The following PLCE1 variants were observed in gnomAD, a reference collection of about 807,000 sequenced individuals.
PLCE1 encodes the protein 1-phosphatidylinositol 4,5-bisphosphate phosphodiesterase epsilon-1.
PLCE1 carries 119 observed loss-of-function variants against 242.8 expected under a neutral mutation model. The observed-to-expected ratio is 0.49, with a 90% CI of 0.42 to 0.57. The LOEUF (loss-of-function observed/expected upper bound fraction) is 0.57. PLCE1 is among the 20% of genes least tolerant of loss of function. The pLI, the probability that PLCE1 is intolerant of heterozygous loss-of-function variation, is 0.00. For missense variants in PLCE1, 2,441 were observed against 2,788.8 expected (o/e 0.88, Z 2.81); for synonymous variants, 945 against 1,017.4 (o/e 0.93, Z 1.35).
At chr10:94,165,022 G>A (rs1052030790) in intron 3 of PLCE1, among the ~76,000 whole-genome samples, 7 of 152,178 alleles carry the variant, frequency 4.6e-5, no homozygotes, top group East Asian at 1.9e-4. Context: ...GTACCCGGCC[G>A]TGTGAGGTGT....
intron 4 of PLCE1, among the ~76,000 whole-genome samples, chr10:94,218,420 T>C (rs1388257357): frequency 1.3e-5 from 2 of 152,126 alleles, no homozygotes; most frequent in Non-Finnish European, 2.9e-5. Flanking sequence ...GAATCTTGGG[T>C]TCTTTCTCTT....
At chr10:94,326,581 T>C (rs1328060055) in intron 32 of PLCE1, among the ~76,000 whole-genome samples, 1 of 152,240 alleles carries the variant, frequency 6.6e-6, no homozygotes, top group African/African-American at 2.4e-5. Context: ...AAGAGCCCGA[T>C]ATGTGCTACA....
intron 3 of PLCE1, among the ~76,000 whole-genome samples, chr10:94,150,773 C>T (rs1474272828): frequency 6.6e-6 from 1 of 152,168 alleles, no homozygotes; most frequent in Non-Finnish European, 1.5e-5. Flanking sequence ...CACTTCAGAG[C>T]CCATGCCTCT....
chr10:94,178,767 C>G (rs1422370226), intron 4 of PLCE1, among the ~76,000 whole-genome samples: 1 of 152,214 alleles, frequency 6.6e-6, no homozygotes, highest in African/African-American at 2.4e-5. Context: ...CATTTCAGCA[C>G]AGTAAGCAGA....
intron 16 of PLCE1, among the ~76,000 whole-genome samples, chr10:94,267,362 G>C (rs1423135485): frequency 2.0e-5 from 3 of 152,124 alleles, no homozygotes; most frequent in Admixed American, 6.5e-5. Flanking sequence ...CCCAAGGAGA[G>C]ACTCTCACAG....
chr10:94,236,148 A>G (rs1275126501), intron 7 of PLCE1, 28 bp downstream of exon 7: 2 of 1,575,890 alleles, frequency 1.3e-6, no homozygotes, highest in African/African-American at 2.7e-5. Flanking sequence ...AAAGTGAGGA[A>G]TGCTCATCTC....
rs554297931 is a variant in PLCE1 at position 94,181,432 on chromosome 10, C to T, written c.1809+9936C>T. ...CTAAAAAATACAAAAAAAAATTAGC[C>T]GGGCGTGGTGGCAGGCGCCTGTAGT... On this transcript the variant is annotated intron_variant, in intron 4 of 32. Coordinates refer to ENST00000371380, the MANE Select transcript of PLCE1 (RefSeq NM_016341.4). Among the ~76,000 whole-genome samples, 35 of 151,830 alleles carry T rather than the reference C, an allele frequency of 2.3e-4. 1 individual carries two copies. The highest frequency in any genetic ancestry group is 3.2e-3 in the Middle Eastern group (1 of 316).
chr10:94,036,595 A>G (rs917783567), intron 2 of PLCE1, among the ~76,000 whole-genome samples: 5 of 152,138 alleles, frequency 3.3e-5, no homozygotes, highest in African/African-American at 1.2e-4. Context: ...AGAAATTAAA[A>G]CCCTATCCCT....
intron 16 of PLCE1, 75 bp downstream of exon 16, chr10:94,266,033 C>A: frequency 7.1e-7 from 1 of 1,410,374 alleles, no homozygotes; most frequent in Non-Finnish European, 1.0e-6. Context: ...TCAAAAAAAC[C>A]TGACCCCAGA....
At chr10:94,304,423 TG>T in intron 24 of PLCE1, 58 bp from the exon 25 acceptor site, 1 of 1,457,508 alleles carries the variant, frequency 6.9e-7, no homozygotes, top group Non-Finnish European at 9.6e-7. Flanking sequence ...ATTTATAAGG[TG>T]ATACTTAAGC....
intron 3 of PLCE1, among the ~76,000 whole-genome samples, chr10:94,159,792 C>G (rs1014852932): frequency 6.6e-6 from 1 of 152,052 alleles, no homozygotes; most frequent in African/African-American, 2.4e-5. Context: ...CAACAGGCCC[C>G]GATGTGTGAT....
At chr10:94,266,712 C>A (rs554826820) in intron 16 of PLCE1, among the ~76,000 whole-genome samples, 10 of 152,212 alleles carry the variant, frequency 6.6e-5, no homozygotes, top group African/African-American at 2.2e-4. Flanking sequence ...ACACGTGGGT[C>A]CAGGTTTGAA....
intron 2 of PLCE1, among the ~76,000 whole-genome samples, chr10:94,054,980 C>T (rs989528071): frequency 1.3e-5 from 2 of 148,864 alleles, no homozygotes; most frequent in East Asian, 3.9e-4. Context: ...CCACTGCACT[C>T]CAGCCTGGGT....
intron 13 of PLCE1, among the ~76,000 whole-genome samples, chr10:94,260,446 A>C (rs2132976180): frequency 6.6e-6 from 1 of 152,182 alleles, no homozygotes; most frequent in East Asian, 1.9e-4. Context: ...GCAAAACAAA[A>C]AACTTTCCTC....
At chr10:94,104,789 A>T (rs1227452207) in intron 2 of PLCE1, 1 of 152,234 alleles carries the variant, frequency 6.6e-6, no homozygotes, top group African/African-American at 2.4e-5. Flanking sequence ...ATGAATGTTC[A>T]TATTCCTTAT....
chr10:94,285,777 C>G (rs974579391), intron 22 of PLCE1, among the ~76,000 whole-genome samples: 2 of 152,128 alleles, frequency 1.3e-5, no homozygotes, highest in Non-Finnish European at 2.9e-5. Flanking sequence ...GTAGCAAGGC[C>G]CCACCCAAAC....
intron 4 of PLCE1, among the ~76,000 whole-genome samples, chr10:94,211,832 A>G (rs2049340833): frequency 6.6e-6 from 1 of 152,202 alleles, no homozygotes; most frequent in South Asian, 2.1e-4. Flanking sequence ...TGGTTTGGCC[A>G]GGTGCAGGTA....
Position 94,246,579 on chromosome 10 carries a change from A to G in PLCE1, c.3054A>G (p.Gln1018=), listed in dbSNP as rs1184048202. ...GAAAGATGAGGAAATTCCCTGACCA[A>G]AGACAGCAGTGGCTGCGGAAACAGT... is the stretch of plus-strand genomic sequence containing the variant. ...AVRKMRKFPD[Q]RQQWLRKQYV... Residue 1018 remains glutamine (Q), a synonymous_variant, in exon 8 of 33, where the codon CAA becomes CAG. Coordinates refer to ENST00000371380, the MANE Select transcript of PLCE1 (RefSeq NM_016341.4). The G allele has an allele frequency of 6.2e-7, 1 of 1,614,024 alleles. No homozygotes were observed. The highest frequency in any genetic ancestry group is 2.2e-5 in the East Asian group (1 of 44,870).
At chr10:94,008,529 GA>G (rs1267401919) in intron 1 of PLCE1, among the ~76,000 whole-genome samples, 3 of 152,024 alleles carry the variant, frequency 2.0e-5, no homozygotes, top group African/African-American at 7.3e-5. Flanking sequence ...GGCTGGTCTC[GA>G]ACTCCTGACC....
Sources: gnomAD v4.1 joint callset for allele counts (sites outside exome capture counted in the v4.1 genomes callset) on GRCh38, gnomAD v4.1.1 for gene constraint, MANE v1.5 for transcripts, NCBI Gene and HGNC (gene_info 2026-07-23, HGNC 2026-07-21) for gene names.